PLEKHA5: variants seen among roughly 807,000 people sequenced by gnomAD.
PLEKHA5 encodes the protein pleckstrin homology domain containing A5.
A neutral mutation model predicts 181.9 loss-of-function variants in PLEKHA5; 55 were observed. The observed-to-expected ratio is 0.30, with a 90% confidence interval of 0.24 to 0.38. The LOEUF (loss-of-function observed/expected upper bound fraction) is 0.38, where lower values mean the gene tolerates loss of function less well. Among genes scored for constraint, PLEKHA5 ranks in the 10% least tolerant of loss-of-function variants. PLEKHA5 has a pLI of 1.00. For missense variants in PLEKHA5, 1,432 were observed against 1,549.5 expected (o/e 0.92, Z 1.27); for synonymous variants, 535 against 529.4 (o/e 1.01, Z -0.15).
chr12:19,189,691 T>G (rs558755984), intron 3 of PLEKHA5, among the ~76,000 whole-genome samples: 1 of 152,142 alleles, frequency 6.6e-6, no homozygotes, highest in African/African-American at 2.4e-5. Context: ...GAAAATAAAT[T>G]TGACTCATAT....
At chr12:19,208,195 G>A (rs1201157687) in intron 3 of PLEKHA5, among the ~76,000 whole-genome samples, 1 of 152,046 alleles carries the variant, frequency 6.6e-6, no homozygotes, top group Non-Finnish European at 1.5e-5. Context: ...ATCACCTGAG[G>A]TCAAGAGTTC....
chr12:19,172,915 C>T (rs568870022), intron 3 of PLEKHA5, among the ~76,000 whole-genome samples: 6 of 141,074 alleles, frequency 4.3e-5, no homozygotes, highest in African/African-American at 5.3e-5. Context: ...TCATTCTCCT[C>T]GTGTCTCGGG....
At chr12:19,161,699 C>T (rs1165903537) in intron 3 of PLEKHA5, among the ~76,000 whole-genome samples, 1 of 152,168 alleles carries the variant, frequency 6.6e-6, no homozygotes, top group African/African-American at 2.4e-5. Flanking sequence ...CTTTAACTTT[C>T]TAAAGTGTGT....
At chr12:19,178,239 A>G (rs532153297) in intron 3 of PLEKHA5, among the ~76,000 whole-genome samples, 1 of 152,364 alleles carries the variant, frequency 6.6e-6, no homozygotes, top group East Asian at 1.9e-4. Context: ...CATATTTATA[A>G]ATGAGTACAA....
chr12:19,349,185 T>G (rs2094473051), intron 25 of PLEKHA5, among the ~76,000 whole-genome samples: 1 of 151,802 alleles, frequency 6.6e-6, no homozygotes, highest in Non-Finnish European at 1.5e-5. Context: ...GGAGCAAACA[T>G]GGCTCACTGT....
At chr12:19,286,981 AAG>A (rs2077354320) in intron 12 of PLEKHA5, among the ~76,000 whole-genome samples, 3 of 151,474 alleles carry the variant, frequency 2.0e-5, no homozygotes, top group Admixed American at 2.0e-4. Flanking sequence ...CAAAAAAAAA[AAG>A]AATTACTCTG....
intron 3 of PLEKHA5, among the ~76,000 whole-genome samples, chr12:19,217,233 A>T (rs2058131524): frequency 6.6e-6 from 1 of 152,206 alleles, no homozygotes; most frequent in Non-Finnish European, 1.5e-5. Context: ...CTATGTGTTA[A>T]GCATTATTCT....
chr12:19,192,155 A>C (rs2051296009), intron 3 of PLEKHA5, among the ~76,000 whole-genome samples: 2 of 152,304 alleles, frequency 1.3e-5, no homozygotes, highest in Admixed American at 1.3e-4. Context: ...ATTTTAATGA[A>C]GGAAAAAGTA....
chr12:19,355,773 G>A lies in PLEKHA5; in HGVS notation c.3138+1771G>A, dbSNP rs187230991. On this transcript the variant is annotated intron_variant, in intron 26 of 31. Transcript: ENST00000429027. ...TCTGTAATACTATTGTTTGTTCAGA[G>A]TTAGGCATTTTTTACAGATTGGAAG... Among the ~76,000 whole-genome samples the A allele has an allele frequency of 4.4e-3, 665 of 152,170 alleles. 3 individuals are homozygous for A. The highest frequency in any genetic ancestry group is 0.01 in the Middle Eastern group (3 of 294).
At chr12:19,153,411 TG>T (rs1451111683) in intron 3 of PLEKHA5, 1 of 152,200 alleles carries the variant, frequency 6.6e-6, no homozygotes, top group Non-Finnish European at 1.5e-5. Flanking sequence ...AACTTGGTCA[TG>T]AAGTACTCTT....
chr12:19,287,424 GAA>G, intron 12 of PLEKHA5, 47 bp from the exon 13 acceptor site: 1 of 1,001,542 alleles, frequency 1.0e-6, no homozygotes. Flanking sequence ...ACATTGATAA[GAA>G]AAAAAAAACT....
At chr12:19,348,952 A>G (rs927068833) in intron 25 of PLEKHA5, among the ~76,000 whole-genome samples, 29 of 152,260 alleles carry the variant, frequency 1.9e-4, no homozygotes, top group African/African-American at 6.7e-4. Context: ...ACAGAGCAAG[A>G]CTTCGTCTCA....
intron 3 of PLEKHA5, among the ~76,000 whole-genome samples, chr12:19,173,509 G>A (rs146792259): frequency 2.2e-4 from 33 of 152,236 alleles, no homozygotes; most frequent in African/African-American, 7.5e-4. Flanking sequence ...GTTGAGTGTG[G>A]GGACGAAACC....
In PLEKHA5 at chr12:19,314,850, A is replaced by G; in HGVS notation, c.2074A>G (p.Thr692Ala). 1 of 1,548,850 alleles carries G rather than the reference A, an allele frequency of 6.5e-7. No homozygotes were observed. Among genetic ancestry groups the G allele is most frequent in the Non-Finnish European group, 8.7e-7 (1 of 1,144,472 alleles). The part of the protein sequence containing the change: ...ENEPIITMVH[T>A]MIENSALRPQ... The stretch of plus-strand genomic sequence containing the variant: ...TGAACCTATTATCACCATGGTTCAC[A>G]CAATGATTGAGAACTCGGCGCTAAG... Residue 692 changes from threonine (T) to alanine (A), a missense_variant, in exon 16 of 32, where the codon ACA (threonine) becomes GCA (alanine). Around this residue, in one of 2 missense-constraint regions of PLEKHA5, gnomAD observed 1,143 missense variants for 1,168.4 expected, o/e 0.98. Coordinates refer to ENST00000429027, the MANE Select transcript of PLEKHA5 (RefSeq NM_001256470.2).
intron 26 of PLEKHA5, 141 bp downstream of exon 26, chr12:19,354,143 CTTTTTTTTTTTT>C (rs750923063): frequency 6.7e-5 from 5 of 74,868 alleles, no homozygotes; most frequent in South Asian, 4.1e-4. Context: ...ATTCTTTATT[CTTTTTTTTTTTT>C]TTTTTTTTTT....
In PLEKHA5 at chr12:19,250,365, G is replaced by A. The variant is rs151300130; in HGVS notation, c.228-3575G>A. Among the ~76,000 whole-genome samples, 307 of 152,192 alleles carry A rather than the reference G, an allele frequency of 2.0e-3. 1 individual carries two copies. The highest frequency in any genetic ancestry group is 7.0e-3 in the African/African-American group (291 of 41,538). ...TTTGGGAGGCCAAGGCGGGTGGATC[G>A]CGTGAGGACAGGAGTTTGAGACCAG... On this transcript the variant is annotated intron_variant, in intron 3 of 31. Transcript: ENST00000429027.
chr12:19,329,171 A>T lies in PLEKHA5; in HGVS notation c.2448+6504A>T, dbSNP rs114917264. 3.0e-3 allele frequency among the ~76,000 whole-genome samples: 451 copies of T among 152,304 alleles called. 2 individuals are homozygous for T. Among genetic ancestry groups the T allele is most frequent in the African/African-American group, 0.01 (434 of 41,574 alleles). ...TTTGTATATGTTGAACCAATCTTGC[A>T]TCTTAGAAATGAAGCCTATTTTATC... On this transcript the variant is annotated intron_variant, in intron 20 of 31. Coordinates refer to ENST00000429027, the MANE Select transcript of PLEKHA5 (RefSeq NM_001256470.2).
intron 3 of PLEKHA5, among the ~76,000 whole-genome samples, chr12:19,198,372 T>C (rs1022371177): frequency 6.6e-6 from 1 of 152,190 alleles, no homozygotes; most frequent in Non-Finnish European, 1.5e-5. Context: ...CTGTCCACTC[T>C]CTCTATCCGG....
At chr12:19,137,065 C>T (rs551731551) in intron 3 of PLEKHA5, among the ~76,000 whole-genome samples, 101 of 150,858 alleles carry the variant, frequency 6.7e-4, no homozygotes, top group Admixed American at 6.0e-3. Context: ...TTCTTTGAGA[C>T]GGAGTTTCAC....
Sources: gnomAD v4.1 joint callset for allele counts (sites outside exome capture counted in the v4.1 genomes callset) on GRCh38, gnomAD v4.1.1 for gene constraint, gnomAD v4.1.1 regional missense constraint, MANE v1.5 for transcripts, NCBI Gene and HGNC (gene_info 2026-07-23, HGNC 2026-07-21) for gene names.